The following STS variants were observed in gnomAD, a reference collection of about 807,000 sequenced individuals.
STS encodes the protein steroid sulfatase, also known as steryl-sulfatase.
Under a neutral mutation model 26.8 loss-of-function variants are expected in STS, and 7 were observed. The ratio of observed to expected loss-of-function variants is 0.26; its 90% CI spans 0.15 to 0.49. The LOEUF is 0.49. Ranked by LOEUF, STS falls within the 20% of genes least tolerant of loss-of-function variation. STS has a pLI of 0.98. For synonymous variants in STS, 199 were observed against 189.4 expected (o/e 1.05, Z -0.42); for missense variants, 434 against 465.6 (o/e 0.93, Z 0.63).
Position 7,324,971 on chromosome X carries a change from G to T in STS, c.1082-368G>T, listed in dbSNP as rs933286789. 5.4e-5 allele frequency among the ~76,000 whole-genome samples: 6 copies of T among 110,987 alleles called. No homozygotes were observed. In the Admixed American group the frequency reaches 5.8e-4, roughly 11 times the overall value. On this transcript the variant is annotated intron_variant, in intron 8 of 10. Transcript: ENST00000674429. ...CAGGAATTTGGATGCGGACACTTGGGGGCACCATTATTTTGCCTGCCACAG... is the reference window on the plus strand; with the variant it reads ...CAGGAATTTGGATGCGGACACTTGGTGGCACCATTATTTTGCCTGCCACAG...
intron 2 of STS, among the ~76,000 whole-genome samples, chrX:7,200,922 G>A (rs778962382): frequency 9.0e-6 from 1 of 111,026 alleles, no homozygotes; most frequent in Non-Finnish European, 1.9e-5. Context: ...TTTAAATGAA[G>A]CTATATATAA....
At chrX:7,214,457 A>G (rs1413550264) in intron 2 of STS, among the ~76,000 whole-genome samples, 1 of 112,472 alleles carries the variant, frequency 8.9e-6, no homozygotes, top group African/African-American at 3.2e-5. Flanking sequence ...GAGTCAGTAC[A>G]CTACTCCTGT....
intron 2 of STS, among the ~76,000 whole-genome samples, chrX:7,202,002 G>A (rs764353146): frequency 1.8e-5 from 2 of 111,447 alleles, no homozygotes; most frequent in African/African-American, 3.3e-5. Context: ...TTTTGGATGT[G>A]TCTGTGAGTG....
At chrX:7,184,086 T>A (rs1228196526) in intron 1 of STS, among the ~76,000 whole-genome samples, 1 of 111,913 alleles carries the variant, frequency 8.9e-6, no homozygotes, top group Non-Finnish European at 1.9e-5. Context: ...AGCCAAAAAG[T>A]GGCTTGAGTA....
chrX:7,205,845 G>A (rs146625164), intron 2 of STS, among the ~76,000 whole-genome samples: 5 of 108,444 alleles, frequency 4.6e-5, no homozygotes, highest in African/African-American at 1.7e-4. Context: ...GGAGCTCCCA[G>A]GCTCAAGCAA....
chrX:7,184,317 A>C (rs1430451830), intron 1 of STS, among the ~76,000 whole-genome samples: 2 of 112,685 alleles, frequency 1.8e-5, no homozygotes, highest in Non-Finnish European at 3.7e-5. Flanking sequence ...ACTACCAAAA[A>C]TTCTAGCAAT....
intron 6 of STS, among the ~76,000 whole-genome samples, chrX:7,272,299 T>C (rs901697904): frequency 2.8e-5 from 3 of 107,854 alleles, no homozygotes; most frequent in African/African-American, 1.0e-4. Context: ...CCCTTCAAAG[T>C]AAGAAGAGAC....
Position 7,257,271 on chromosome X carries a change from G to T in STS, c.167G>T (p.Gly56Val), listed in dbSNP as rs138730860. ...RTPNIDRLASGGVKLTQHLAA... is the reference protein window; with the variant it reads ...RTPNIDRLASVGVKLTQHLAA... ...CCCAATATCGACCGGTTGGCCAGTG[G>T]GGGAGTGAAACTCACTCAGCACCTG... Residue 56 changes from glycine to valine, a missense_variant, in exon 4 of 11, where the codon GGG (glycine) becomes GTG (valine). Gly to Val is a moderately radical substitution (Grantham distance 109). This residue lies in a region of STS where 229 missense variants were observed against 288.3 expected (regional missense o/e 0.79). Transcript: ENST00000674429. The T allele has an allele frequency of 2.5e-4, 305 of 1,209,841 alleles. 1 individual carries two copies. The highest frequency in any genetic ancestry group is 3.2e-4 in the Non-Finnish European group (286 of 895,061).
intron 7 of STS, among the ~76,000 whole-genome samples, chrX:7,279,822 G>T (rs1228822066): frequency 9.0e-6 from 1 of 110,628 alleles, no homozygotes; most frequent in African/African-American, 3.3e-5. Flanking sequence ...TGCAATCTTT[G>T]GGGATATCAG....
chrX:7,221,382 C>T (rs1465816329), intron 2 of STS, among the ~76,000 whole-genome samples: 1 of 112,541 alleles, frequency 8.9e-6, no homozygotes, highest in Non-Finnish European at 1.9e-5. Context: ...AGCACAGGCT[C>T]AGTAACCTCT....
intron 2 of STS, chrX:7,219,291 C>T (rs1037792743): frequency 6.8e-6 from 3 of 444,151 alleles, no homozygotes; most frequent in East Asian, 1.9e-4. Flanking sequence ...TAGCATAAAC[C>T]GCTTGGGTAT....
intron 7 of STS, among the ~76,000 whole-genome samples, chrX:7,300,844 A>T (rs1320919568): frequency 7.2e-5 from 8 of 111,315 alleles, no homozygotes; most frequent in African/African-American, 2.6e-4. Flanking sequence ...TTTGGAGGAG[A>T]TATCCAGGGA....
chrX:7,273,786 A>AT lies in STS; in HGVS notation c.807-2165_807-2164insT, dbSNP rs564827075. Among the ~76,000 whole-genome samples the AT allele has an allele frequency of 1.4e-3, 157 of 110,819 alleles. 2 individuals are homozygous for AT. In the Middle Eastern group the frequency reaches 0.041, roughly 29 times the overall value. ...GTATGCCCTTTCTCCTATTAAAAAA[A>AT]AAAGAAATTGAATTCCTGCCCCCAT... On this transcript the variant is annotated intron_variant, in intron 6 of 10. Coordinates refer to ENST00000674429, the MANE Select transcript of STS (RefSeq NM_001320752.2).
At chrX:7,318,019 A>C (rs757221667) in intron 8 of STS, among the ~76,000 whole-genome samples, 1 of 111,818 alleles carries the variant, frequency 8.9e-6, no homozygotes, top group Non-Finnish European at 1.9e-5. Flanking sequence ...TATACCTAAT[A>C]CCATCAATTA....
chrX:7,312,027 A>G (rs763210707), intron 8 of STS, among the ~76,000 whole-genome samples: 2 of 111,352 alleles, frequency 1.8e-5, no homozygotes, highest in East Asian at 5.7e-4. Flanking sequence ...ACCCTGTCTC[A>G]AACAAACAAA....
At chrX:7,227,666 A>G (rs1164217522) in intron 2 of STS, among the ~76,000 whole-genome samples, 1 of 111,495 alleles carries the variant, frequency 9.0e-6, no homozygotes, top group Non-Finnish European at 1.9e-5. Context: ...TGACCTTAGT[A>G]TTTGCCATTG....
chrX:7,345,001 A>G (rs1366036005), intron 10 of STS, among the ~76,000 whole-genome samples: 2 of 111,147 alleles, frequency 1.8e-5, no homozygotes, highest in African/African-American at 6.5e-5. Context: ...TGCTCTAAGT[A>G]GAGAATTCAG....
intron 9 of STS, among the ~76,000 whole-genome samples, chrX:7,329,178 C>T (rs1927631050): frequency 8.9e-6 from 1 of 112,158 alleles, no homozygotes; most frequent in African/African-American, 3.2e-5. Context: ...AGCATATTGC[C>T]AACCAGGTAC....
chrX:7,280,991 C>T (rs1328092907), intron 7 of STS, among the ~76,000 whole-genome samples: 1 of 111,888 alleles, frequency 8.9e-6, no homozygotes, highest in Non-Finnish European at 1.9e-5. Context: ...CATGGCAAAA[C>T]CGCGTCTCTA....
Sources: allele counts gnomAD v4.1 joint callset (sites outside exome capture counted in the v4.1 genomes callset), GRCh38; gene constraint gnomAD v4.1.1; regional missense constraint gnomAD v4.1.1; transcripts MANE v1.5; gene names NCBI Gene and HGNC (gene_info 2026-07-23, HGNC 2026-07-21).